MAGI3: variants seen among roughly 807,000 people sequenced by gnomAD.
MAGI3 encodes membrane-associated guanylate kinase, WW and PDZ domain-containing protein 3.
Under a neutral mutation model 121.8 loss-of-function variants are expected in MAGI3, and 43 were observed. The ratio of observed to expected loss-of-function variants is 0.35; its 90% confidence interval spans 0.28 to 0.46. The LOEUF (loss-of-function observed/expected upper bound fraction) is 0.46, where lower values mean the gene tolerates loss of function less well. MAGI3 is among the 20% of genes least tolerant of loss of function. MAGI3 has a pLI of 1.00. For synonymous variants in MAGI3, 553 were observed against 639.3 expected, an observed-to-expected ratio of 0.86 and a Z score of 2.04; for missense variants, 1,547 against 1,797.3, an observed-to-expected ratio of 0.86 and a Z score of 2.52.
chr1:113,636,495 C>G (rs1483662455), intron 9 of MAGI3, among the ~76,000 whole-genome samples: 1 of 152,150 alleles, frequency 6.6e-6, no homozygotes, highest in Non-Finnish European at 1.5e-5. Flanking sequence ...ACCCAGTAGT[C>G]ATTCAGGAGC....
At chr1:113,580,355 T>C (rs954273526) in intron 2 of MAGI3, among the ~76,000 whole-genome samples, 187 bp from the exon 3 acceptor site, 12 of 152,146 alleles carry the variant, frequency 7.9e-5, no homozygotes, top group African/African-American at 2.9e-4. Flanking sequence ...GGTGTGCACA[T>C]GTATCAAAAC....
chr1:113,673,576 AG>A, intron 19 of MAGI3, 111 bp downstream of exon 19: 1 of 1,214,396 alleles, frequency 8.2e-7, no homozygotes, highest in Admixed American at 2.5e-5. Flanking sequence ...TCTAAAAAGC[AG>A]GATTTGTCAT....
chr1:113,668,775 G>C (rs1410997622), intron 16 of MAGI3, among the ~76,000 whole-genome samples: 1 of 151,082 alleles, frequency 6.6e-6, no homozygotes, highest in Admixed American at 6.6e-5. Flanking sequence ...GTAGAGACGG[G>C]GTTTCACCTT....
chr1:113,570,381 A>T (rs761156950), intron 2 of MAGI3, among the ~76,000 whole-genome samples: 11 of 152,136 alleles, frequency 7.2e-5, no homozygotes, highest in Non-Finnish European at 1.5e-4. Context: ...TAGTAGAAGG[A>T]TTTATAATCT....
rs200222109 is a variant in MAGI3 at position 113,672,764 on chromosome 1, G to T, written c.3045+23G>T. ...CAGGTAAACAAACATTTCCCCAGAT[G>T]GGGAGTGATATTTTGAGTTGCCATA... On this transcript the variant is annotated intron_variant, in intron 18 of 20. Coordinates refer to ENST00000307546, the MANE Select transcript of MAGI3 (RefSeq NM_001142782.2). The T allele has an allele frequency of 7.5e-6, 12 of 1,595,792 alleles. No homozygotes were observed. The East Asian group carries it at 2.5e-4, about 33-fold the overall frequency.
intron 1 of MAGI3, among the ~76,000 whole-genome samples, chr1:113,514,232 C>G (rs887764563): frequency 3.9e-5 from 6 of 152,054 alleles, no homozygotes; most frequent in Non-Finnish European, 8.8e-5. Context: ...CCTCAGGGAT[C>G]TAGAACTAGA....
intron 2 of MAGI3, among the ~76,000 whole-genome samples, chr1:113,571,823 A>G (rs1647311416): frequency 6.6e-6 from 1 of 152,212 alleles, no homozygotes; most frequent in Non-Finnish European, 1.5e-5. Context: ...TAAATATACA[A>G]CCATGTCATC....
intron 1 of MAGI3, among the ~76,000 whole-genome samples, chr1:113,436,859 G>A (rs1169354190): frequency 6.7e-6 from 1 of 148,690 alleles, no homozygotes; most frequent in African/African-American, 2.5e-5. Flanking sequence ...TGTTGCCCAG[G>A]CTGGAGTGCA....
At chr1:113,633,132 C>T (rs184826696) in intron 9 of MAGI3, among the ~76,000 whole-genome samples, 1 of 144,724 alleles carries the variant, frequency 6.9e-6, no homozygotes, top group African/African-American at 2.6e-5. Context: ...CACTTCCCAC[C>T]TATGAGTGAG....
At chr1:113,456,001 A>G (rs1418948262) in intron 1 of MAGI3, among the ~76,000 whole-genome samples, 2 of 150,680 alleles carry the variant, frequency 1.3e-5, no homozygotes, top group Non-Finnish European at 2.9e-5. Context: ...CCCAGGCTGG[A>G]GTGCAGTGGC....
At chr1:113,614,577 T>G (rs372990708) in intron 6 of MAGI3, 24 bp from the exon 7 acceptor site, 8 of 1,571,720 alleles carry the variant, frequency 5.1e-6, no homozygotes, top group Non-Finnish European at 7.0e-6. Context: ...ATCTGGCATT[T>G]CACTCAATTT....
At chr1:113,681,475 A>T in intron 20 of MAGI3, 139 bp downstream of exon 20, 1 of 889,276 alleles carries the variant, frequency 1.1e-6, no homozygotes, top group Non-Finnish European at 1.6e-6. Flanking sequence ...AAAGCTAGTT[A>T]CATAGCAGAG....
chr1:113,504,788 A>G (rs1364189822), intron 1 of MAGI3, among the ~76,000 whole-genome samples: 13 of 152,178 alleles, frequency 8.5e-5, no homozygotes, highest in Non-Finnish European at 1.5e-4. Context: ...ATCAAAAATT[A>G]CAAACAAAAT....
At chr1:113,457,052 CAT>C (rs1453293505) in intron 1 of MAGI3, among the ~76,000 whole-genome samples, 1 of 152,108 alleles carries the variant, frequency 6.6e-6, no homozygotes, top group Non-Finnish European at 1.5e-5. Context: ...GTTGGATACA[CAT>C]GTTTTTGAGC....
chr1:113,611,294 C>T (rs1451975750), intron 6 of MAGI3, among the ~76,000 whole-genome samples: 1 of 151,886 alleles, frequency 6.6e-6, no homozygotes, highest in Non-Finnish European at 1.5e-5. Flanking sequence ...CACCATGTTG[C>T]TCAGGCTGGT....
Position 113,659,125 on chromosome 1 carries a change from A to T in MAGI3, c.2675A>T (p.Asp892Val). 1 of 1,613,886 alleles carries T rather than the reference A, an allele frequency of 6.2e-7. No homozygotes were observed. The highest frequency in any genetic ancestry group is 8.5e-7 in the Non-Finnish European group (1 of 1,179,882). The stretch of plus-strand genomic sequence containing the variant: ...CGAGTCATAGAAGGAAGTCCGGCTG[A>T]CCGCTGTGGAAAACTGAAAGTTGGA... ...IGRVIEGSPADRCGKLKVGDH... is the reference protein window; with the variant it reads ...IGRVIEGSPAVRCGKLKVGDH... Residue 892 changes from aspartate to valine, a missense_variant, in exon 16 of 21, where the codon GAC (aspartate) becomes GTC (valine). Physicochemically the swap from Asp to Val is radical, Grantham distance 152 (BLOSUM62 -3). Transcript: ENST00000307546.
At chr1:113,477,218 C>A (rs375028059) in intron 1 of MAGI3, among the ~76,000 whole-genome samples, 1 of 152,090 alleles carries the variant, frequency 6.6e-6, no homozygotes, top group Admixed American at 6.5e-5. Context: ...GGCATTTAGC[C>A]CATTTACATT....
chr1:113,507,828 G>C (rs1657417975), intron 1 of MAGI3, among the ~76,000 whole-genome samples: 1 of 152,170 alleles, frequency 6.6e-6, no homozygotes, highest in South Asian at 2.1e-4. Context: ...TGCTTTCTAA[G>C]ATGGGAAAAT....
chr1:113,543,086 A>G (rs1013831105), intron 1 of MAGI3, among the ~76,000 whole-genome samples: 2 of 151,932 alleles, frequency 1.3e-5, no homozygotes, highest in Non-Finnish European at 2.9e-5. Flanking sequence ...CTAAAATAAC[A>G]GCCCTAGTCA....
Sources: allele counts gnomAD v4.1 joint callset (sites outside exome capture counted in the v4.1 genomes callset), GRCh38; gene constraint gnomAD v4.1.1; transcripts MANE v1.5; gene names NCBI Gene and HGNC (gene_info 2026-07-23, HGNC 2026-07-21).